KCNT1: variants seen among roughly 807,000 people sequenced by gnomAD.
The protein encoded by KCNT1 is potassium sodium-activated channel subfamily T member 1.
Under a neutral mutation model 147.8 loss-of-function variants are expected in KCNT1, and 78 were observed. The ratio of observed to expected loss-of-function variants is 0.53; its 90% CI spans 0.44 to 0.64. The LOEUF is 0.64. Among genes scored for constraint, KCNT1 ranks in the 30% least tolerant of loss-of-function variants. The pLI, the probability that KCNT1 is intolerant of heterozygous loss-of-function variation, is 0.00. For synonymous variants in KCNT1, 867 were observed against 748.8 expected, an observed-to-expected ratio of 1.16 and a Z score of -2.58; for missense variants, 1,419 against 1,750.3, an observed-to-expected ratio of 0.81 and a Z score of 3.38.
chr9:135,778,540 C>T, intron 22 of KCNT1, 45 bp downstream of exon 22: 2 of 1,602,234 alleles, frequency 1.2e-6, no homozygotes, highest in South Asian at 1.1e-5. Flanking sequence ...CACACCCACC[C>T]CTCCCCTCCT....
rs569152343 is a variant in KCNT1 at position 135,770,639 on chromosome 9, C to T, written c.1769+192C>T. The stretch of plus-strand genomic sequence containing the variant: ...TCCGGGTCCACATAAAAACCTGCCA[C>T]GCGGCTCCTCCCTGAGGCTTGTGGG... On this transcript the variant is annotated intron_variant, in intron 17 of 30. Transcript: ENST00000371757. Among the ~76,000 whole-genome samples, 6 of 152,334 alleles carry T rather than the reference C, an allele frequency of 3.9e-5. No individual in the cohort carries two copies. The South Asian group carries it at 1.0e-3, about 26-fold the overall frequency.
At chr9:135,781,249 C>T (rs547321477) in intron 24 of KCNT1, among the ~76,000 whole-genome samples, 8 of 152,338 alleles carry the variant, frequency 5.3e-5, no homozygotes, top group African/African-American at 1.2e-4. Flanking sequence ...TGGAAGCAGC[C>T]GTGAGCTCCT....
chr9:135,755,391 A>C (rs1329718525), intron 6 of KCNT1, among the ~76,000 whole-genome samples: 2 of 151,168 alleles, frequency 1.3e-5, no homozygotes, highest in East Asian at 3.9e-4. Flanking sequence ...GGACAAACCC[A>C]GGCTCAGTAA....
intron 4 of KCNT1, among the ~76,000 whole-genome samples, chr9:135,751,434 G>C (rs759649629): frequency 1.3e-5 from 2 of 152,036 alleles, no homozygotes; most frequent in African/African-American, 2.4e-5. Flanking sequence ...CCTGTTTCTG[G>C]GGGTGTCTTC....
chr9:135,756,857 C>A lies in KCNT1; in HGVS notation c.541-16C>A. ...CCCGGCCTGCTCCAGAGCTCCTTCC[C>A]TTTCCTGACTCCCAGGTCATCGTGG... On this transcript the variant is annotated splice_polypyrimidine_tract_variant and intron_variant, in intron 6 of 30. Coordinates refer to ENST00000371757, the MANE Select transcript of KCNT1 (RefSeq NM_020822.3). The A allele has an allele frequency of 6.2e-7, 1 of 1,612,392 alleles. No individual in the cohort carries two copies. The highest frequency in any genetic ancestry group is 8.5e-7 in the Non-Finnish European group (1 of 1,179,080).
Position 135,714,060 on chromosome 9 carries a change from C to T in KCNT1, c.111-517C>T, listed in dbSNP as rs1406853670. ...CTTCTTAGGCCTCCTGGTCACTCCA[C>T]CCTCACCCCTCAACAGCCTGAGGGT... is the stretch of plus-strand genomic sequence containing the variant. On this transcript the variant is annotated intron_variant, in intron 1 of 30. Transcript: ENST00000371757. This position sits in a 1 kb window ranked among gnomAD's most constrained non-coding sequence, Gnocchi z 6.2. Among the ~76,000 whole-genome samples, 1 of 152,132 alleles carries T rather than the reference C, an allele frequency of 6.6e-6. No individual in the cohort carries two copies. The highest frequency in any genetic ancestry group is 6.5e-5 in the Admixed American group (1 of 15,284).
chr9:135,748,263 C>T (rs1830951689), intron 2 of KCNT1, among the ~76,000 whole-genome samples: 2 of 152,198 alleles, frequency 1.3e-5, no homozygotes, highest in African/African-American at 4.8e-5. Flanking sequence ...CTGTAACCAG[C>T]AGAGGCCACT....
rs1312887503 is a variant in KCNT1, at chr9:135,786,022, G to A, written c.3178-175G>A. 3.3e-5 allele frequency: 20 copies of A among 609,606 alleles called. No individual in the cohort carries two copies. The Admixed American group carries it at 4.6e-4, about 14-fold the overall frequency. 37.8% of individuals were successfully genotyped at this position (609,606 alleles called of 1,614,324 possible). A position where few individuals can be genotyped will look rare whatever the true frequency, so the allele number is the denominator to read the frequency against. On this transcript the variant is annotated intron_variant, in intron 28 of 30. Coordinates refer to ENST00000371757, the MANE Select transcript of KCNT1 (RefSeq NM_020822.3). The stretch of plus-strand genomic sequence containing the variant: ...AACCAGGCACATTCTTTCCAGAGGA[G>A]GAAGGCACATGCACCCTGGGGTCTG...
intron 25 of KCNT1, 28 bp from the exon 26 acceptor site, chr9:135,784,504 TCCC>T (rs774488620): frequency 1.1e-5 from 2 of 180,174 alleles, no homozygotes; most frequent in South Asian, 4.8e-5. Flanking sequence ...CCTCCCTCCC[TCCC>T]TCCCTCCCTC....
rs576882220 is a variant in KCNT1 at position 135,779,602 on chromosome 9, A to G, written c.2841+132A>G. 6.7e-4 allele frequency: 462 copies of G among 688,500 alleles called. 1 individual carries two copies. In the African/African-American group the frequency reaches 7.2e-3, roughly 11 times the overall value. 42.6% of individuals were successfully genotyped at this position (688,500 alleles called of 1,614,324 possible). ...CCGCCCTCCTGCTGGGGAACTCAGG[A>G]GATGGCGTGGGGGGCCCAGCATGGA... On this transcript the variant is annotated intron_variant, in intron 24 of 30. Transcript: ENST00000371757.
chr9:135,788,199 C>T (rs750936911), intron 29 of KCNT1: 64 of 1,564,524 alleles, frequency 4.1e-5, no homozygotes, highest in East Asian at 9.0e-5. Flanking sequence ...CACCGCACAA[C>T]GGGGCTCGCC....
intron 1 of KCNT1, among the ~76,000 whole-genome samples, chr9:135,707,952 C>T (rs1395305696): frequency 3.9e-5 from 6 of 152,252 alleles, no homozygotes; most frequent in African/African-American, 1.4e-4. Flanking sequence ...AGAAGCCCCT[C>T]CCCTAAAGAG....
rs1224821645 is a variant in KCNT1, at chr9:135,774,020, AG to A, written c.2243+1077del. Among the ~76,000 whole-genome samples, 330 of 148,156 alleles carry A rather than the reference AG, an allele frequency of 2.2e-3. 1 individual carries two copies. Among genetic ancestry groups the A allele is most frequent in the African/African-American group, 8.0e-3 (317 of 39,866 alleles). On this transcript the variant is annotated intron_variant, in intron 19 of 30. Coordinates refer to ENST00000371757, the MANE Select transcript of KCNT1 (RefSeq NM_020822.3). Reference sequence around the variant, plus strand: ...AGTAGGGCATGGGGGTGGGTGTGCAAGGGGGGTGTGTCCGGTGTGTGTGTGT... The same window carrying A: ...AGTAGGGCATGGGGGTGGGTGTGCAAGGGGGTGTGTCCGGTGTGTGTGTGT...
At chr9:135,726,499 C>G (rs930490480) in intron 2 of KCNT1, among the ~76,000 whole-genome samples, 1 of 152,090 alleles carries the variant, frequency 6.6e-6, no homozygotes, top group South Asian at 2.1e-4. Flanking sequence ...CTCAGTGGGT[C>G]CCTTGGTAGG....
At position 135,758,471 on chromosome 9, in the gene KCNT1, A is replaced by G. The variant is rs1220559272; in HGVS notation, c.817A>G (p.Ile273Val). 2 of 1,613,716 alleles carry G rather than the reference A, an allele frequency of 1.2e-6. No homozygotes were observed. Among genetic ancestry groups the G allele is most frequent in the Non-Finnish European group, 1.7e-6 (2 of 1,179,980 alleles). ...TQSAMFNQVLILFCTLLCLVF... is the reference protein window; with the variant it reads ...TQSAMFNQVLVLFCTLLCLVF... ...GTCAGCCATGTTCAACCAGGTCCTC[A>G]TCCTCTTCTGCACCCTGCTGTGCCT... The change falls in exon 10 of 31, where the codon ATC becomes GTC. Residue 273 changes from isoleucine to valine, a missense_variant. Ile to Val is a conservative substitution (Grantham distance 29). Coordinates refer to ENST00000371757, the MANE Select transcript of KCNT1 (RefSeq NM_020822.3).
At chr9:135,748,968 T>C (rs977668069) in intron 2 of KCNT1, among the ~76,000 whole-genome samples, 160 of 152,060 alleles carry the variant, frequency 1.1e-3, no homozygotes, top group African/African-American at 3.7e-3. Flanking sequence ...CAGCCGAGGG[T>C]CCCATGGAGG....
At chr9:135,777,954 A>ACTCCCAGTTCCTCTGT (rs1246815973) in intron 21 of KCNT1, among the ~76,000 whole-genome samples, 1 of 89,056 alleles carries the variant, frequency 1.1e-5, no homozygotes, top group Non-Finnish European at 2.3e-5. Context: ...GCTCCTCCCC[A>ACTCCCAGTTCCTCTGT]CTCCCAGTTC....
At chr9:135,750,691 C>A (rs1831103571) in intron 3 of KCNT1, 2 of 575,426 alleles carry the variant, frequency 3.5e-6, no homozygotes, top group Non-Finnish European at 6.2e-6. Context: ...AGTGGAGTGG[C>A]CTCTAGAAAT....
At chr9:135,743,163 C>A (rs1267798695) in intron 2 of KCNT1, among the ~76,000 whole-genome samples, 3 of 152,106 alleles carry the variant, frequency 2.0e-5, no homozygotes, top group Non-Finnish European at 4.4e-5. Flanking sequence ...CTGGCTCAGC[C>A]CACCTTGGCT....
Sources: gnomAD v4.1 joint callset for allele counts (sites outside exome capture counted in the v4.1 genomes callset) on GRCh38, gnomAD v4.1.1 for gene constraint, Gnocchi (gnomAD v3.1) non-coding constraint, MANE v1.5 for transcripts, NCBI Gene and HGNC (gene_info 2026-07-23, HGNC 2026-07-21) for gene names.